Variants in XKR4 observed in about 807,000 individuals in gnomAD.
XKR4 encodes XK related 4, also known as XK-related protein 4.
Under a neutral mutation model 53.9 loss-of-function variants are expected in XKR4, and 12 were observed. That is an observed-to-expected ratio of 0.22 (90% CI 0.14 to 0.36). XKR4 has a LOEUF of 0.36. Ranked by LOEUF, XKR4 falls within the 10% of genes least tolerant of loss-of-function variation. XKR4 has a pLI of 1.00. For missense variants in XKR4, 799 were observed against 859.5 expected (o/e 0.93, Z 0.88); for synonymous variants, 354 against 362.4 (o/e 0.98, Z 0.26).
chr8:55,364,278 T>A (rs1320305694), intron 2 of XKR4, among the ~76,000 whole-genome samples: 2 of 152,178 alleles, frequency 1.3e-5, no homozygotes, highest in Non-Finnish European at 2.9e-5. Flanking sequence ...CCCTCCTCTA[T>A]CTGACGCGCG....
chr8:55,156,071 C>G (rs1230392699), intron 1 of XKR4, among the ~76,000 whole-genome samples: 3 of 152,000 alleles, frequency 2.0e-5, no homozygotes, highest in Non-Finnish European at 4.4e-5. Context: ...ATATGAGATA[C>G]AAGAAACCGC....
intron 1 of XKR4, among the ~76,000 whole-genome samples, chr8:55,326,964 C>T (rs1803303736): frequency 6.6e-6 from 1 of 151,918 alleles, no homozygotes; most frequent in Non-Finnish European, 1.5e-5. Context: ...ATGAGGAAAC[C>T]TCTCTCCCTT....
At chr8:55,242,623 G>A (rs188083517) in intron 1 of XKR4, among the ~76,000 whole-genome samples, 1 of 152,290 alleles carries the variant, frequency 6.6e-6, no homozygotes, top group East Asian at 1.9e-4. Flanking sequence ...TTTCAAAATG[G>A]CATCGATTAA....
At chr8:55,419,920 A>G (rs1488830806) in intron 2 of XKR4, among the ~76,000 whole-genome samples, 2 of 152,238 alleles carry the variant, frequency 1.3e-5, no homozygotes, top group Admixed American at 6.5e-5. Context: ...ACTCTTAAAC[A>G]ACAATGATGA....
intron 1 of XKR4, among the ~76,000 whole-genome samples, chr8:55,264,761 A>G (rs781355034): frequency 2.1e-4 from 32 of 152,246 alleles, no homozygotes; most frequent in Non-Finnish European, 4.3e-4. Context: ...ATGCATCAAT[A>G]TGGTCATTAT....
chr8:55,302,156 T>A (rs1233570636), intron 1 of XKR4, among the ~76,000 whole-genome samples: 1 of 152,204 alleles, frequency 6.6e-6, no homozygotes, highest in Non-Finnish European at 1.5e-5. Context: ...TTAATCCATC[T>A]TGAATTAATT....
At chr8:55,224,203 T>G (rs1817922599) in intron 1 of XKR4, among the ~76,000 whole-genome samples, 1 of 152,208 alleles carries the variant, frequency 6.6e-6, no homozygotes, top group Non-Finnish European at 1.5e-5. Context: ...TCTTTTTATT[T>G]CACACTGGTT....
At chr8:55,413,591 C>G (rs1236375301) in intron 2 of XKR4, among the ~76,000 whole-genome samples, 1 of 152,160 alleles carries the variant, frequency 6.6e-6, no homozygotes, top group African/African-American at 2.4e-5. Context: ...TTCGTGGCAG[C>G]AAAAGAGCAT....
chr8:55,125,317 G>A (rs1413455837), intron 1 of XKR4, among the ~76,000 whole-genome samples: 4 of 99,622 alleles, frequency 4.0e-5, no homozygotes, highest in African/African-American at 8.1e-5. Flanking sequence ...CGCAAACTCC[G>A]CCTCCTGGGT....
intron 1 of XKR4, among the ~76,000 whole-genome samples, chr8:55,266,857 A>G (rs1818610485): frequency 2.0e-5 from 3 of 152,208 alleles, no homozygotes; most frequent in African/African-American, 4.8e-5. Flanking sequence ...TATATCCTGT[A>G]TAAATATCAT....
At chr8:55,210,071 G>A (rs1817709496) in intron 1 of XKR4, among the ~76,000 whole-genome samples, 1 of 134,796 alleles carries the variant, frequency 7.4e-6, no homozygotes. Flanking sequence ...AGAGTTTTAT[G>A]CCTTCATCCT....
At chr8:55,190,352 A>G (rs1004111506) in intron 1 of XKR4, among the ~76,000 whole-genome samples, 1 of 152,254 alleles carries the variant, frequency 6.6e-6, no homozygotes, top group Non-Finnish European at 1.5e-5. Context: ...ATTCCTTGCC[A>G]GTGGTCATAG....
chr8:55,334,578 A>G (rs2939678), intron 1 of XKR4, among the ~76,000 whole-genome samples: 120,493 of 152,022 alleles, frequency 0.79, 48,684 homozygotes, highest in African/African-American at 0.93. Context: ...ACAAACTTGC[A>G]GCAATATTCC....
intron 2 of XKR4, among the ~76,000 whole-genome samples, chr8:55,395,287 A>T (rs976455795): frequency 6.6e-6 from 1 of 152,114 alleles, no homozygotes; most frequent in Non-Finnish European, 1.5e-5. Context: ...CTGGGAGCTC[A>T]AGTTGATTGG....
Position 55,445,699 on chromosome 8 carries a change from G to A in XKR4, c.1007-77582G>A, listed in dbSNP as rs556605174. Among the ~76,000 whole-genome samples, 7 of 152,232 alleles carry A rather than the reference G, an allele frequency of 4.6e-5. No homozygotes were observed. In the South Asian group the frequency reaches 6.2e-4, roughly 14 times the overall value. On this transcript the variant is annotated intron_variant, in intron 2 of 2. Coordinates refer to ENST00000327381, the MANE Select transcript of XKR4 (RefSeq NM_052898.2). ...CCTTCCCACTCAGCCTGCTGATTGG[G>A]CACTATTGCCCCTAGTCAAATCAGA...
chr8:55,153,590 T>C (rs1248556077), intron 1 of XKR4, among the ~76,000 whole-genome samples: 1 of 152,232 alleles, frequency 6.6e-6, no homozygotes, highest in Non-Finnish European at 1.5e-5. Context: ...CTTCATACTT[T>C]ATGATACGTG....
intron 1 of XKR4, among the ~76,000 whole-genome samples, chr8:55,234,708 A>C (rs1818094327): frequency 6.6e-6 from 1 of 152,238 alleles, no homozygotes; most frequent in Non-Finnish European, 1.5e-5. Context: ...AGTGAAGCAA[A>C]CACAGGAATA....
chr8:55,522,445 A>C (rs776706073), intron 2 of XKR4, among the ~76,000 whole-genome samples: 2 of 152,234 alleles, frequency 1.3e-5, no homozygotes, highest in Non-Finnish European at 2.9e-5. Flanking sequence ...TGCACCAGGT[A>C]TCACAAGAAA....
intron 2 of XKR4, among the ~76,000 whole-genome samples, chr8:55,439,304 A>T (rs1165367516): frequency 6.6e-6 from 1 of 151,718 alleles, no homozygotes; most frequent in Non-Finnish European, 1.5e-5. Context: ...CCCACGTATA[A>T]AGTCCCAAAG....
Sources: allele counts gnomAD v4.1 joint callset (sites outside exome capture counted in the v4.1 genomes callset), GRCh38; gene constraint gnomAD v4.1.1; transcripts MANE v1.5; gene names NCBI Gene and HGNC (gene_info 2026-07-23, HGNC 2026-07-21).